The following MADD variants were observed in gnomAD, a reference collection of about 807,000 sequenced individuals.
MADD encodes the protein MAP kinase activating death domain.
In MADD, 109 loss-of-function variants were observed where a neutral mutation model predicts 176.7. The ratio of observed to expected loss-of-function variants is 0.62; its 90% confidence interval spans 0.53 to 0.72. The LOEUF (loss-of-function observed/expected upper bound fraction) is 0.72. Among genes scored for constraint, MADD ranks in the 30% least tolerant of loss-of-function variants. The pLI is 0.00. For missense variants in MADD, 1,914 were observed against 2,045.5 expected (o/e 0.94, Z 1.24); for synonymous variants, 771 against 771.3 (o/e 1.00, Z 0.01).
At chr11:47,287,680 G>A (rs144537366) in intron 15 of MADD, among the ~76,000 whole-genome samples, 6,660 of 152,114 alleles carry the variant, frequency 0.044, 489 homozygotes, top group African/African-American at 0.15. Flanking sequence ...AAAGTGCCAG[G>A]ATTACAGGTG....
rs769408216 is a variant in MADD, at chr11:47,315,257, G to A, written c.4127G>A (p.Arg1376Gln). The change falls in exon 27 of 33, where the codon CGG becomes CAG. Residue 1376 changes from arginine to glutamine, a missense_variant. Arg to Gln is a conservative substitution (Grantham distance 43). Coordinates refer to ENST00000402192, the Ensembl canonical transcript of MADD. ...CTCTCTATCTGGTCCAGTGGCAGCC[G>A]GCACATGAAGAAGCAGACATTTGTG... is the stretch of plus-strand genomic sequence containing the variant. The A allele has an allele frequency of 6.6e-5, 106 of 1,613,778 alleles. 1 individual carries two copies. The Middle Eastern group carries it at 2.5e-3, about 38-fold the overall frequency.
In MADD at chr11:47,329,252, G is replaced by A. The variant is rs41304345; in HGVS notation, c.*102G>A. On this transcript the variant is annotated 3_prime_UTR_variant, in exon 33 of 33. Coordinates refer to ENST00000402192, the Ensembl canonical transcript of MADD. ...TGTGACTGAGGAGTGGATGATGCTCGTGTGTCCTCTGCAAGCCCCCTGCTG... is the reference window on the plus strand; with the variant it reads ...TGTGACTGAGGAGTGGATGATGCTCATGTGTCCTCTGCAAGCCCCCTGCTG... 3.1e-3 allele frequency: 2,750 copies of A among 884,870 alleles called. 15 individuals are homozygous for A. Among genetic ancestry groups the A allele is most frequent in the Non-Finnish European group, 4.0e-3 (2,131 of 532,302 alleles). 54.8% of individuals were successfully genotyped at this position (884,870 alleles called of 1,614,324 possible). A position where few individuals can be genotyped will look rare whatever the true frequency, so the allele number is the denominator to read the frequency against.
chr11:47,279,488 C>T (rs750646160), intron 7 of MADD, among the ~76,000 whole-genome samples: 10 of 151,418 alleles, frequency 6.6e-5, no homozygotes, highest in Admixed American at 6.6e-4. Flanking sequence ...GAGTTCACGC[C>T]ATTCTTCTGC....
At chr11:47,273,282 G>A (rs547129860) in intron 1 of MADD, among the ~76,000 whole-genome samples, 18 of 152,248 alleles carry the variant, frequency 1.2e-4, no homozygotes, top group South Asian at 2.1e-4. Flanking sequence ...AGCCCCAGGC[G>A]TTAAGCTGGA....
At chr11:47,324,660 C>A in intron 30 of MADD, 83 bp downstream of exon 33, 1 of 938,370 alleles carries the variant, frequency 1.1e-6, no homozygotes, top group Non-Finnish European at 1.7e-6. Context: ...ACTTCCCCAG[C>A]AAGCATGAGA....
intron 28 of MADD, 34 bp downstream of exon 31, chr11:47,323,869 A>G: frequency 3.1e-6 from 5 of 1,599,726 alleles, no homozygotes; most frequent in Non-Finnish European, 4.3e-6. Flanking sequence ...TGGGGCTAGT[A>G]GGCATTGAAG....
exon 31 of MADD, chr11:47,326,749 G>A: frequency 6.2e-7 from 1 of 1,614,156 alleles, no homozygotes; most frequent in Non-Finnish European, 8.5e-7. Context: ...TTTTCATAGA[G>A]CTGAATCACA....
intron 12 of MADD, 145 bp from the exon 13 acceptor site, chr11:47,284,796 C>A: frequency 1.6e-6 from 2 of 1,281,954 alleles, no homozygotes; most frequent in Non-Finnish European, 2.2e-6. Flanking sequence ...TTTGTGGGGA[C>A]AGAGAACGGG....
At chr11:47,305,567 G>T (rs574858716) in intron 22 of MADD, among the ~76,000 whole-genome samples, 69 of 152,232 alleles carry the variant, frequency 4.5e-4, no homozygotes, top group African/African-American at 1.7e-3. Context: ...CCCACGGAAT[G>T]AGGCACCATG....
At chr11:47,289,811 G>A (rs550564901) in intron 16 of MADD, 56 bp from the exon 18 acceptor site, 14 of 1,578,698 alleles carry the variant, frequency 8.9e-6, no homozygotes, top group Middle Eastern at 2.2e-4. Flanking sequence ...GGTGAAAGGT[G>A]GGGGGTGCTC....
exon 13 of MADD, chr11:47,285,102 C>T (rs1236564430): frequency 4.3e-6 from 7 of 1,613,992 alleles, no homozygotes; most frequent in African/African-American, 1.3e-5. Context: ...ATCCATACTT[C>T]GAGCCCCAAT....
Position 47,290,289 on chromosome 11 carries a change from CTATAG to C in MADD, c.3087_3091del (p.Tyr1029Ter). The C allele has an allele frequency of 6.2e-7, 1 of 1,613,992 alleles. No homozygotes were observed. The highest frequency in any genetic ancestry group is 8.5e-7 in the Non-Finnish European group (1 of 1,179,940). ...TTTTGGAGATTGCCCAGACCCACTA[CTATAG>C]TAAAGGTAGGGATCGTACTTGCTGG... On this transcript the variant is annotated frameshift_variant, in exon 18 of 33. Transcript: ENST00000402192. LOFTEE classifies it high-confidence loss of function.
intron 27 of MADD, among the ~76,000 whole-genome samples, chr11:47,323,102 G>T (rs2094783980): frequency 6.6e-6 from 1 of 152,110 alleles, no homozygotes; most frequent in Non-Finnish European, 1.5e-5. Context: ...GCTGAGCATG[G>T]TGATGTGTGC....
chr11:47,319,462 CT>C (rs1046046092), intron 27 of MADD, among the ~76,000 whole-genome samples: 2 of 151,938 alleles, frequency 1.3e-5, no homozygotes, highest in African/African-American at 4.8e-5. Flanking sequence ...CTTTGTTGCC[CT>C]TTTTTTAGTT....
Position 47,311,600 on chromosome 11 carries a change from T to C in MADD, c.3979-132T>C, listed in dbSNP as rs980124131. 1.1e-5 allele frequency: 7 copies of C among 631,096 alleles called. No homozygotes were observed. In the Admixed American group the frequency reaches 1.3e-4, roughly 12 times the overall value. The allele number at this position is 631,096 out of a possible 1,614,324, so 39.1% of individuals were successfully genotyped here. A position where few individuals can be genotyped will look rare whatever the true frequency, so the allele number is the denominator to read the frequency against. ...ATACACAGTTGAAAGTTTTCTCCCA[T>C]GTTCAGTGATGTGGTCTTTCAGAAT... On this transcript the variant is annotated intron_variant, in intron 25 of 32. Coordinates refer to ENST00000402192, the Ensembl canonical transcript of MADD.
intron 22 of MADD, among the ~76,000 whole-genome samples, chr11:47,302,001 G>A (rs771054240): frequency 1.3e-5 from 2 of 152,046 alleles, no homozygotes; most frequent in African/African-American, 2.4e-5. Flanking sequence ...GTATAAATCC[G>A]GTATTTCTGT....
At chr11:47,289,979 G>A in exon 17 of MADD, 1 of 1,614,202 alleles carries the variant, frequency 6.2e-7, no homozygotes, top group South Asian at 1.1e-5. Flanking sequence ...GCAGCTGCGA[G>A]TCTTTGTCCT....
At chr11:47,319,008 A>G (rs569979004) in intron 27 of MADD, among the ~76,000 whole-genome samples, 2 of 150,392 alleles carry the variant, frequency 1.3e-5, no homozygotes, top group African/African-American at 4.9e-5. Context: ...GGGTTTCACC[A>G]TTTTGGCCAA....
chr11:47,290,919 G>C (rs2064603564), intron 19 of MADD, 103 bp downstream of exon 20: 1 of 944,042 alleles, frequency 1.1e-6, no homozygotes, highest in Admixed American at 2.5e-5. Flanking sequence ...CCCATGCTTT[G>C]CTTCTTAGAG....
Sources: gnomAD v4.1 joint callset for allele counts (sites outside exome capture counted in the v4.1 genomes callset) on GRCh38, gnomAD v4.1.1 for gene constraint, MANE v1.5 for transcripts, NCBI Gene and HGNC (gene_info 2026-07-23, HGNC 2026-07-21) for gene names.